Variants in ATP6V1E2 observed in about 807,000 individuals in gnomAD.
ATP6V1E2 encodes the protein V-type proton ATPase subunit E 2.
For missense variants in ATP6V1E2, 308 were observed against 273.3 expected, an observed-to-expected ratio of 1.13 and a Z score of -0.90; for synonymous variants, 121 against 104.2, an observed-to-expected ratio of 1.16 and a Z score of -0.98.
intron 4 of ATP6V1E2, among the ~76,000 whole-genome samples, chr2:46,534,082 T>A (rs1667322462): frequency 6.6e-6 from 1 of 152,370 alleles, no homozygotes; most frequent in South Asian, 2.1e-4. Flanking sequence ...ACTTTGGATT[T>A]GTTGAGCTTC....
At chr2:46,521,918 C>T (rs1666646564) in intron 4 of ATP6V1E2, among the ~76,000 whole-genome samples, 1 of 142,778 alleles carries the variant, frequency 7.0e-6, no homozygotes, top group Non-Finnish European at 1.5e-5. Flanking sequence ...TCTCGATCTC[C>T]TGACCTCGTG....
At chr2:46,526,201 C>T (rs566655912) in intron 4 of ATP6V1E2, among the ~76,000 whole-genome samples, 2 of 151,418 alleles carry the variant, frequency 1.3e-5, no homozygotes, top group African/African-American at 4.9e-5. Flanking sequence ...CTACAACCCC[C>T]GCCTCCTGGG....
rs925200994 is a variant in ATP6V1E2 at position 46,542,472 on chromosome 2, C to CGCG, written c.-632_-630dup. 1 of 150,862 alleles carries CGCG rather than the reference C, an allele frequency of 6.6e-6. No individual in the cohort carries two copies. Among genetic ancestry groups the CGCG allele is most frequent in the African/African-American group, 2.4e-5 (1 of 41,314 alleles). 9.3% of individuals were successfully genotyped at this position (150,862 alleles called of 1,614,324 possible). The stretch of plus-strand genomic sequence containing the variant: ...CCCAGGCGACTCCCCTCCTCCCCTC[C>CGCG]GCGGTCCTCGGCTCCTCCTCCTCCT... On this transcript the variant is annotated 5_prime_UTR_variant, in exon 1 of 5. Transcript: ENST00000522587.
chr2:46,514,222 G>A (rs1486118207), intron 4 of ATP6V1E2, among the ~76,000 whole-genome samples: 1 of 152,146 alleles, frequency 6.6e-6, no homozygotes, highest in Non-Finnish European at 1.5e-5. Context: ...GGAGATTCCA[G>A]TGAGCTGAAC....
chr2:46,518,431 G>A (rs1000944557), intron 4 of ATP6V1E2, among the ~76,000 whole-genome samples: 1 of 149,568 alleles, frequency 6.7e-6, no homozygotes, highest in Non-Finnish European at 1.5e-5. Flanking sequence ...GTACAGTAAC[G>A]TACATACAGT....
chr2:46,537,095 C>A (rs1667482220), intron 2 of ATP6V1E2, among the ~76,000 whole-genome samples: 2 of 152,164 alleles, frequency 1.3e-5, no homozygotes, highest in South Asian at 4.1e-4. Flanking sequence ...TCCTAAAATT[C>A]TTTATTTCCA....
At chr2:46,524,586 A>T (rs767003139) in intron 4 of ATP6V1E2, among the ~76,000 whole-genome samples, 1 of 152,212 alleles carries the variant, frequency 6.6e-6, no homozygotes, top group Non-Finnish European at 1.5e-5. Context: ...GGATGGGATA[A>T]GGGGCAGGAA....
chr2:46,513,738 T>G (rs1280600148), intron 4 of ATP6V1E2, among the ~76,000 whole-genome samples: 1 of 151,984 alleles, frequency 6.6e-6, no homozygotes, highest in Non-Finnish European at 1.5e-5. Flanking sequence ...GGCAGGAGAA[T>G]CGCTTGAACC....
chr2:46,520,202 T>A (rs893604646), intron 4 of ATP6V1E2, among the ~76,000 whole-genome samples: 4 of 152,170 alleles, frequency 2.6e-5, no homozygotes, highest in African/African-American at 9.7e-5. Context: ...AGGGCAGGGT[T>A]AAAAGGCAGG....
chr2:46,514,743 A>C (rs542982626), intron 4 of ATP6V1E2, among the ~76,000 whole-genome samples: 2 of 152,296 alleles, frequency 1.3e-5, no homozygotes, highest in South Asian at 2.1e-4. Context: ...TTTTTAAAGA[A>C]ATAATGGCCA....
intron 4 of ATP6V1E2, among the ~76,000 whole-genome samples, chr2:46,521,759 T>A (rs868581470): frequency 1.4e-4 from 22 of 152,100 alleles, no homozygotes; most frequent in African/African-American, 5.3e-4. Context: ...GGTGCGATCT[T>A]GGCTCACTGC....
intron 4 of ATP6V1E2, among the ~76,000 whole-genome samples, chr2:46,522,349 T>A (rs2103866897): frequency 6.6e-6 from 1 of 150,774 alleles, no homozygotes; most frequent in Admixed American, 6.6e-5. Flanking sequence ...TGTGTCATAG[T>A]GGTTTGCTGC....
chr2:46,531,634 G>T (rs1033227566), intron 4 of ATP6V1E2, among the ~76,000 whole-genome samples: 1 of 152,058 alleles, frequency 6.6e-6, no homozygotes, highest in Non-Finnish European at 1.5e-5. Flanking sequence ...ACCATTTTAC[G>T]TTCCCACCAG....
rs2103908015 is a variant in ATP6V1E2 at position 46,530,739 on chromosome 2, T to TA, written c.-102+5073dup. 6.6e-6 allele frequency among the ~76,000 whole-genome samples: 1 copy of TA among 152,314 alleles called. No individual in the cohort carries two copies. The highest frequency in any genetic ancestry group is 2.1e-4 in the South Asian group (1 of 4,826). On this transcript the variant is annotated intron_variant, in intron 4 of 4. Coordinates refer to ENST00000522587, the MANE Select transcript of ATP6V1E2 (RefSeq NM_001318063.2). The surrounding 1 kb of genome is among the most constrained non-coding windows in gnomAD (Gnocchi z 5.2). The stretch of plus-strand genomic sequence containing the variant: ...CAGTTCAGCATGTCTGGGGAGGCCT[T>TA]ACAATCATGGCAGAAAGCAAAGGGG...
intron 2 of ATP6V1E2, among the ~76,000 whole-genome samples, chr2:46,540,414 G>A (rs1181674310): frequency 3.1e-5 from 4 of 130,370 alleles, no homozygotes; most frequent in Admixed American, 1.7e-4. Flanking sequence ...GAGTGACAGA[G>A]AGACAGAGCA....
chr2:46,520,636 C>T (rs1374023222), intron 4 of ATP6V1E2, among the ~76,000 whole-genome samples: 4 of 152,364 alleles, frequency 2.6e-5, no homozygotes, highest in African/African-American at 9.6e-5. Context: ...AGCCCCACCA[C>T]TCCTTGATCT....
intron 4 of ATP6V1E2, among the ~76,000 whole-genome samples, chr2:46,532,350 C>T (rs958535009): frequency 6.1e-5 from 9 of 148,062 alleles, no homozygotes; most frequent in Non-Finnish European, 5.9e-5. Flanking sequence ...TGGTATTCCA[C>T]TTTGTCTTTA....
intron 2 of ATP6V1E2, among the ~76,000 whole-genome samples, chr2:46,538,461 C>G (rs1314419040): frequency 6.6e-6 from 1 of 151,238 alleles, no homozygotes; most frequent in African/African-American, 2.4e-5. Flanking sequence ...CCTTTGGTTA[C>G]CAGTTACAGA....
intron 4 of ATP6V1E2, among the ~76,000 whole-genome samples, chr2:46,525,577 A>G (rs1666879551): frequency 6.6e-6 from 1 of 152,060 alleles, no homozygotes. Flanking sequence ...TAGAAGTAAC[A>G]GGAGACACCT....
Sources: allele counts gnomAD v4.1 joint callset (sites outside exome capture counted in the v4.1 genomes callset), GRCh38; gene constraint gnomAD v4.1.1; non-coding constraint Gnocchi (gnomAD v3.1); transcripts MANE v1.5; gene names NCBI Gene and HGNC (gene_info 2026-07-23, HGNC 2026-07-21).